The following JAKMIP3 variants were observed in gnomAD, a reference collection of about 807,000 sequenced individuals.
The protein encoded by JAKMIP3 is janus kinase and microtubule-interacting protein 3.
A neutral mutation model predicts 118.5 loss-of-function variants in JAKMIP3; 58 were observed. The ratio of observed to expected loss-of-function variants is 0.49; its 90% CI spans 0.40 to 0.61. The LOEUF is 0.61. Among genes scored for constraint, JAKMIP3 ranks in the 20% least tolerant of loss-of-function variants. The pLI, the probability that JAKMIP3 is intolerant of heterozygous loss-of-function variation, is 0.00. For missense variants in JAKMIP3, 950 were observed against 1,109.0 expected (o/e 0.86, Z 2.04); for synonymous variants, 486 against 451.2 (o/e 1.08, Z -0.98).
intron 1 of JAKMIP3, among the ~76,000 whole-genome samples, chr10:132,075,280 C>G (rs2040600738): frequency 6.6e-6 from 1 of 151,698 alleles, no homozygotes; most frequent in African/African-American, 2.4e-5. Context: ...TCTCTTTTAA[C>G]TGAATTTTTA....
At position 132,104,804 on chromosome 10, in the gene JAKMIP3, T is replaced by A. The variant is rs1466134622; in HGVS notation, c.-5T>A. Reference sequence around the variant, plus strand: ...TGGGCATCCCCCTGGCCATCCAGCCTCACCATGTCCAAGAGGGGCATGAGC... The same window carrying A: ...TGGGCATCCCCCTGGCCATCCAGCCACACCATGTCCAAGAGGGGCATGAGC... On this transcript the variant is annotated 5_prime_UTR_variant, in exon 2 of 24. Transcript: ENST00000684848. The A allele has an allele frequency of 3.2e-6, 5 of 1,550,446 alleles. No individual in the cohort carries two copies. The highest frequency in any genetic ancestry group is 3.5e-6 in the Non-Finnish European group (4 of 1,146,798).
chr10:132,108,090 G>A (rs1326408149), intron 2 of JAKMIP3, among the ~76,000 whole-genome samples: 3 of 152,184 alleles, frequency 2.0e-5, no homozygotes, highest in African/African-American at 7.2e-5. Flanking sequence ...TCATGGCTCG[G>A]CGTTGCTCCT....
chr10:132,055,245 C>CT (rs1156659999), intron 1 of JAKMIP3, among the ~76,000 whole-genome samples: 3 of 152,158 alleles, frequency 2.0e-5, no homozygotes, highest in African/African-American at 7.2e-5. Flanking sequence ...CAATAGAACT[C>CT]TTTTCAAGAC....
intron 1 of JAKMIP3, among the ~76,000 whole-genome samples, chr10:132,092,933 C>T (rs1012381620): frequency 3.9e-5 from 6 of 152,176 alleles, no homozygotes; most frequent in African/African-American, 1.4e-4. Flanking sequence ...TGGTGACGTA[C>T]AGATGGGGTT....
At chr10:132,066,654 A>C (rs2038837814) in intron 1 of JAKMIP3, among the ~76,000 whole-genome samples, 1 of 152,180 alleles carries the variant, frequency 6.6e-6, no homozygotes, top group South Asian at 2.1e-4. Flanking sequence ...CAAGAATCAC[A>C]CATCACTCAT....
At chr10:132,165,793 C>T (rs1414122643) in intron 21 of JAKMIP3, among the ~76,000 whole-genome samples, 6 of 152,228 alleles carry the variant, frequency 3.9e-5, no homozygotes, top group Admixed American at 1.3e-4. Flanking sequence ...CACTCACTGC[C>T]GCCTGTGAGA....
Position 132,168,522 on chromosome 10 carries a change from G to A in JAKMIP3, c.*592G>A, listed in dbSNP as rs1431751588. On this transcript the variant is annotated 3_prime_UTR_variant, in exon 23 of 24. Coordinates refer to ENST00000684848, the MANE Select transcript of JAKMIP3 (RefSeq NM_001323087.2). ...CTGCAATATGTTGCTGGGGTCCTGA[G>A]CACCCGCTGGCCAACAGACCCCACA... 7 of 543,674 alleles carry A rather than the reference G, an allele frequency of 1.3e-5. No individual in the cohort carries two copies. The African/African-American group carries it at 1.4e-4, about 11-fold the overall frequency. 33.7% of individuals were successfully genotyped at this position (543,674 alleles called of 1,614,324 possible). A position where few individuals can be genotyped will look rare whatever the true frequency, so the allele number is the denominator to read the frequency against.
intron 9 of JAKMIP3, among the ~76,000 whole-genome samples, chr10:132,139,244 G>GTGTGAA (rs2052704173): frequency 1.8e-5 from 1 of 56,172 alleles, no homozygotes; most frequent in Non-Finnish European, 4.5e-5. Flanking sequence ...ATGCATCTGT[G>GTGTGAA]TGTGTATGTG....
chr10:132,145,975 C>T (rs552639699), intron 13 of JAKMIP3, among the ~76,000 whole-genome samples: 30 of 152,352 alleles, frequency 2.0e-4, no homozygotes, highest in African/African-American at 6.5e-4. Context: ...CTTCCAGCAA[C>T]GCTTGTGGGG....
In JAKMIP3 at chr10:132,117,412, G is replaced by A; in HGVS notation, c.471G>A (p.Glu157=). The A allele has an allele frequency of 6.2e-7, 1 of 1,614,048 alleles. No homozygotes were observed. Among genetic ancestry groups the A allele is most frequent in the Non-Finnish European group, 8.5e-7 (1 of 1,179,908 alleles). The change falls in exon 3 of 24, where the codon GAG becomes GAA. Residue 157 remains glutamate, a synonymous_variant. Transcript: ENST00000684848. The surrounding 1 kb of genome is among the most constrained non-coding windows in gnomAD (Gnocchi z 8.6). The part of the protein sequence containing the change: ...FEVEKVKMQQ[E]ISELKGAKRQ... ...TGGAGAAGGTCAAGATGCAGCAGGA[G>A]ATCTCCGAGCTCAAGGGCGCCAAAA... is the stretch of plus-strand genomic sequence containing the variant.
chr10:132,108,071 G>A (rs1392802812), intron 2 of JAKMIP3, among the ~76,000 whole-genome samples: 1 of 152,184 alleles, frequency 6.6e-6, no homozygotes, highest in Non-Finnish European at 1.5e-5. Flanking sequence ...GGACCAGTGG[G>A]GTTCAAGATC....
At chr10:132,180,341 C>A (rs887851821) in intron 23 of JAKMIP3, among the ~76,000 whole-genome samples, 7 of 151,202 alleles carry the variant, frequency 4.6e-5, no homozygotes, top group Non-Finnish European at 8.8e-5. Flanking sequence ...TGGATGGCTG[C>A]CTCCCACCTG....
At chr10:132,076,221 G>A (rs1049543388) in intron 1 of JAKMIP3, among the ~76,000 whole-genome samples, 5 of 151,474 alleles carry the variant, frequency 3.3e-5, no homozygotes, top group Admixed American at 6.6e-5. Context: ...CTGTAAATTC[G>A]CCTCTTCTGC....
chr10:132,175,301 T>C (rs1302541790), intron 23 of JAKMIP3, among the ~76,000 whole-genome samples: 1 of 152,196 alleles, frequency 6.6e-6, no homozygotes, highest in Non-Finnish European at 1.5e-5. Context: ...CAGTATGGAT[T>C]GAAGTTTATT....
intron 1 of JAKMIP3, among the ~76,000 whole-genome samples, chr10:132,055,704 T>C (rs1160373156): frequency 6.6e-6 from 1 of 152,196 alleles, no homozygotes; most frequent in East Asian, 1.9e-4. Context: ...ACATTCTATC[T>C]GAACTTGGTC....
At chr10:132,148,848 A>G (rs566997540) in intron 14 of JAKMIP3, among the ~76,000 whole-genome samples, 1 of 152,286 alleles carries the variant, frequency 6.6e-6, no homozygotes, top group Non-Finnish European at 1.5e-5. Context: ...CGAGCACCAC[A>G]CACAGCCCCG....
intron 14 of JAKMIP3, 24 bp downstream of exon 14, chr10:132,148,074 T>G: frequency 6.9e-7 from 1 of 1,459,550 alleles, no homozygotes; most frequent in Non-Finnish European, 9.5e-7. Context: ...TGGCCAGCAC[T>G]GTGGCCTGTG....
intron 23 of JAKMIP3, among the ~76,000 whole-genome samples, chr10:132,180,788 T>TGTGTGTGCATGCGTGTGTGTGTGC (rs1491365450): frequency 2.8e-4 from 3 of 10,730 alleles, no homozygotes; most frequent in Non-Finnish European, 5.6e-4. Context: ...TGTGTGCGCG[T>TGTGTGTGCATGCGTGTGTGTGTGC]ATGCATGTGC....
In JAKMIP3 at chr10:132,047,764, T is replaced by C. The variant is rs902413939; in HGVS notation, c.-138+11026T>C. Among the ~76,000 whole-genome samples, 8 of 111,506 alleles carry C rather than the reference T, an allele frequency of 7.2e-5. No homozygotes were observed. The East Asian group carries it at 3.2e-3, about 45-fold the overall frequency. 73.2% of individuals were successfully genotyped at this position (111,506 alleles called of 152,430 possible). A position where few individuals can be genotyped will look rare whatever the true frequency, so the allele number is the denominator to read the frequency against. ...GCTTTCAGTGCACAGAACTGAGTGT[T>C]CCCCACCCCACGCCCCGCCCTCTGC... On this transcript the variant is annotated intron_variant, in intron 1 of 23. Transcript: ENST00000657785.
Sources: allele counts gnomAD v4.1 joint callset (sites outside exome capture counted in the v4.1 genomes callset), GRCh38; gene constraint gnomAD v4.1.1; non-coding constraint Gnocchi (gnomAD v3.1); transcripts MANE v1.5; gene names NCBI Gene and HGNC (gene_info 2026-07-23, HGNC 2026-07-21).